The following LMCD1 variants were observed in gnomAD, a reference collection of about 807,000 sequenced individuals.
LMCD1 encodes the protein LIM and cysteine rich domains 1, also known as LIM and cysteine-rich domains protein 1.
Under a neutral mutation model 42.7 loss-of-function variants are expected in LMCD1, and 32 were observed. The observed-to-expected ratio is 0.75, with a 90% confidence interval of 0.57 to 1.01. LMCD1 has a LOEUF of 1.01. Among genes scored for constraint, LMCD1 ranks in the 50% least tolerant of loss-of-function variants. The pLI is 0.00. For synonymous variants in LMCD1, 178 were observed against 184.9 expected (o/e 0.96, Z 0.30); for missense variants, 458 against 483.1 (o/e 0.95, Z 0.49).
At chr3:8,535,842 G>T (rs769301793) in intron 2 of LMCD1, among the ~76,000 whole-genome samples, 4 of 152,134 alleles carry the variant, frequency 2.6e-5, no homozygotes, top group Admixed American at 2.0e-4. Context: ...TTGACATTTT[G>T]GGCCTCATAA....
intron 5 of LMCD1, among the ~76,000 whole-genome samples, chr3:8,566,560 G>T (rs367887079): frequency 6.6e-6 from 1 of 152,228 alleles, no homozygotes; most frequent in African/African-American, 2.4e-5. Context: ...AGTGACAACA[G>T]TATATGCACA....
intron 1 of LMCD1, among the ~76,000 whole-genome samples, chr3:8,519,917 T>TGTGTGTGAGAGA (rs145408793): frequency 3.3e-5 from 5 of 149,740 alleles, no homozygotes; most frequent in African/African-American, 4.9e-5. Flanking sequence ...CGTGTGTGTG[T>TGTGTGTGAGAGA]GAGAGAGAGT....
At chr3:8,526,470 C>T (rs138239759) in intron 1 of LMCD1, among the ~76,000 whole-genome samples, 2 of 148,826 alleles carry the variant, frequency 1.3e-5, no homozygotes, top group African/African-American at 5.0e-5. Context: ...ATCCTAGGCA[C>T]CAAACAGTCT....
rs1695185729 is a variant in LMCD1 at position 8,569,906 on chromosome 3, G to A, written c.*2308G>A. The A allele has an allele frequency of 6.6e-6, 1 of 151,478 alleles. No homozygotes were observed. Among genetic ancestry groups the A allele is most frequent in the Non-Finnish European group, 1.5e-5 (1 of 68,882 alleles). The allele number at this position is 151,478 out of a possible 1,614,324, so 9.4% of individuals were successfully genotyped here. On this transcript the variant is annotated 3_prime_UTR_variant, in exon 6 of 6. Coordinates refer to ENST00000157600, the MANE Select transcript of LMCD1 (RefSeq NM_014583.4). ...TACTCTAGAGGATAACCTGAGCCCA[G>A]TAAGTCAAGGCTGCAGTGAGCTGTG...
intron 1 of LMCD1, among the ~76,000 whole-genome samples, chr3:8,520,827 A>G (rs1694190793): frequency 6.6e-6 from 1 of 152,208 alleles, no homozygotes; most frequent in Non-Finnish European, 1.5e-5. Flanking sequence ...AGTGATCTCA[A>G]AAGATTCATT....
intron 1 of LMCD1, among the ~76,000 whole-genome samples, chr3:8,504,769 A>G (rs1271636845): frequency 1.3e-5 from 2 of 152,214 alleles, no homozygotes; most frequent in African/African-American, 4.8e-5. Context: ...CAGTTCCCTG[A>G]GAATGGTGAA....
Position 8,571,100 on chromosome 3 carries a change from A to C in LMCD1, c.*3502A>C, listed in dbSNP as rs1695206108. On this transcript the variant is annotated 3_prime_UTR_variant, in exon 6 of 6. Coordinates refer to ENST00000157600, the MANE Select transcript of LMCD1 (RefSeq NM_014583.4). ...AGGGGCTGCCATCCCCACCCCTCCC[A>C]CTCTCTAGGAAGACTTTCCTCCCTC... 6.6e-6 allele frequency: 1 copy of C among 151,264 alleles called. No homozygotes were observed. The highest frequency in any genetic ancestry group is 6.6e-5 in the Admixed American group (1 of 15,188). 9.4% of individuals were successfully genotyped at this position (151,264 alleles called of 1,614,324 possible). A position where few individuals can be genotyped will look rare whatever the true frequency, so the allele number is the denominator to read the frequency against.
intron 1 of LMCD1, among the ~76,000 whole-genome samples, chr3:8,520,783 G>T (rs1694190127): frequency 6.6e-6 from 1 of 152,156 alleles, no homozygotes; most frequent in African/African-American, 2.4e-5. Context: ...CCTTTCATAG[G>T]CAATTAAAAC....
intron 1 of LMCD1, among the ~76,000 whole-genome samples, chr3:8,530,171 T>G (rs566101662): frequency 6.6e-6 from 1 of 152,308 alleles, no homozygotes; most frequent in Admixed American, 6.5e-5. Context: ...TTGTATTTGA[T>G]CAGGTAATTC....
intron 4 of LMCD1, chr3:8,549,953 T>G (rs1694810851): frequency 1.7e-6 from 2 of 1,150,998 alleles, no homozygotes; most frequent in Admixed American, 4.0e-5. Flanking sequence ...ACCTGAGCCC[T>G]CACGACCCAA....
intron 1 of LMCD1, among the ~76,000 whole-genome samples, chr3:8,518,366 C>CT (rs1203603325): frequency 6.6e-6 from 1 of 152,204 alleles, no homozygotes; most frequent in Admixed American, 6.5e-5. Flanking sequence ...CTAGAGCAGT[C>CT]TGATTTTCTC....
rs1178356416 is a variant in LMCD1, at chr3:8,573,313, T to C, written c.*5715T>C. ...TGGTCTATAACATGGTGTTTCGATA[T>C]ATGTATACATCGTGGAATGGCTAAA... On this transcript the variant is annotated 3_prime_UTR_variant, in exon 6 of 6. Transcript: ENST00000157600. 1 of 152,238 alleles carries C rather than the reference T, an allele frequency of 6.6e-6. No individual in the cohort carries two copies. The highest frequency in any genetic ancestry group is 1.5e-5 in the Non-Finnish European group (1 of 68,040). The allele number at this position is 152,238 out of a possible 1,614,324, so 9.4% of individuals were successfully genotyped here.
intron 1 of LMCD1, among the ~76,000 whole-genome samples, chr3:8,531,736 C>A (rs1694416029): frequency 6.6e-6 from 1 of 152,176 alleles, no homozygotes; most frequent in Non-Finnish European, 1.5e-5. Flanking sequence ...TAGGGCACAC[C>A]TGAGTCTTAT....
At chr3:8,554,102 T>G (rs1440919386) in intron 4 of LMCD1, among the ~76,000 whole-genome samples, 2 of 152,118 alleles carry the variant, frequency 1.3e-5, no homozygotes, top group Non-Finnish European at 2.9e-5. Flanking sequence ...TGGAGTGCCG[T>G]GGCAGGATCA....
intron 5 of LMCD1, among the ~76,000 whole-genome samples, chr3:8,566,246 C>A (rs1008070447): frequency 1.3e-5 from 2 of 152,162 alleles, no homozygotes; most frequent in African/African-American, 2.4e-5. Context: ...ATTCAAGTCT[C>A]TGATACTGGT....
intron 1 of LMCD1, among the ~76,000 whole-genome samples, chr3:8,515,601 G>C (rs753924156): frequency 1.3e-5 from 2 of 152,162 alleles, no homozygotes; most frequent in Non-Finnish European, 2.9e-5. Context: ...TCCCCTTTGG[G>C]TGTGCCCTGG....
At chr3:8,522,119 C>G (rs1471978015) in intron 1 of LMCD1, among the ~76,000 whole-genome samples, 1 of 152,148 alleles carries the variant, frequency 6.6e-6, no homozygotes, top group Non-Finnish European at 1.5e-5. Context: ...GGAGCAAGGT[C>G]TTAAACAGAG....
intron 3 of LMCD1, among the ~76,000 whole-genome samples, chr3:8,541,814 T>C (rs975915658): frequency 1.3e-5 from 2 of 152,044 alleles, no homozygotes; most frequent in African/African-American, 4.8e-5. Flanking sequence ...CCCAAGTCCG[T>C]GCCAGTCAAT....
intron 4 of LMCD1, among the ~76,000 whole-genome samples, chr3:8,552,075 C>A (rs1373770587): frequency 6.6e-6 from 1 of 152,206 alleles, no homozygotes; most frequent in Non-Finnish European, 1.5e-5. Context: ...ATCGGTAACA[C>A]CTGCCTGTTT....
Sources: gnomAD v4.1 joint callset for allele counts (sites outside exome capture counted in the v4.1 genomes callset) on GRCh38, gnomAD v4.1.1 for gene constraint, MANE v1.5 for transcripts, NCBI Gene and HGNC (gene_info 2026-07-23, HGNC 2026-07-21) for gene names.